Variants in PPP1R9A observed in about 807,000 individuals in gnomAD.
PPP1R9A encodes the protein neurabin-1.
PPP1R9A carries 59 observed loss-of-function variants against 141.9 expected under a neutral mutation model. That is an observed-to-expected ratio of 0.42 (90% CI 0.34 to 0.52). The LOEUF is 0.52. PPP1R9A is among the 20% of genes least tolerant of loss of function. The pLI is 0.10. For synonymous variants in PPP1R9A, 500 were observed against 569.7 expected, an observed-to-expected ratio of 0.88 and a Z score of 1.74; for missense variants, 1,444 against 1,611.9, an observed-to-expected ratio of 0.90 and a Z score of 1.78.
chr7:95,172,632 A>G (rs1177512455), intron 5 of PPP1R9A, among the ~76,000 whole-genome samples: 3 of 151,900 alleles, frequency 2.0e-5, no homozygotes, highest in Non-Finnish European at 4.4e-5. Flanking sequence ...GAACACAAAG[A>G]CAATTTAAAT....
At chr7:94,963,916 G>A (rs1224664709) in intron 2 of PPP1R9A, among the ~76,000 whole-genome samples, 1 of 152,158 alleles carries the variant, frequency 6.6e-6, no homozygotes, top group Non-Finnish European at 1.5e-5. Flanking sequence ...ACCTGCACAT[G>A]TGCCATTTTA....
intron 7 of PPP1R9A, among the ~76,000 whole-genome samples, chr7:95,220,974 G>A (rs1229187643): frequency 2.0e-5 from 3 of 151,980 alleles, no homozygotes; most frequent in African/African-American, 4.8e-5. Context: ...TATAAGTAGA[G>A]GAACAGGTAT....
chr7:95,110,841 T>C (rs183405580), intron 2 of PPP1R9A, among the ~76,000 whole-genome samples: 3 of 152,346 alleles, frequency 2.0e-5, no homozygotes. Flanking sequence ...ACTGACACCC[T>C]GCTACTTCAG....
intron 8 of PPP1R9A, among the ~76,000 whole-genome samples, chr7:95,229,877 A>G (rs1795677310): frequency 8.0e-6 from 1 of 125,440 alleles, no homozygotes; most frequent in African/African-American, 2.6e-5. Context: ...AGCACACTCA[A>G]TAAAAATACA....
Position 95,114,476 on chromosome 7 carries a change from G to A in PPP1R9A, c.1528+3085G>A, listed in dbSNP as rs533927175. Among the ~76,000 whole-genome samples, 96 of 152,042 alleles carry A rather than the reference G, an allele frequency of 6.3e-4. 1 individual carries two copies. The highest frequency in any genetic ancestry group is 2.1e-3 in the African/African-American group (87 of 41,528). The stretch of plus-strand genomic sequence containing the variant: ...GATATATAGTGGCTTTTGTGATGTC[G>A]GTAATATTCTGTGTCTTTGTACATG... On this transcript the variant is annotated intron_variant, in intron 3 of 19. Coordinates refer to ENST00000433360, the MANE Select transcript of PPP1R9A (RefSeq NM_001166160.2).
chr7:95,247,591 A>G lies in PPP1R9A; in HGVS notation c.2166+65A>G, dbSNP rs1235331617. The G allele has an allele frequency of 1.9e-5, 24 of 1,291,034 alleles. No individual in the cohort carries two copies. In the Admixed American group the frequency reaches 3.5e-4, roughly 19 times the overall value. 80.0% of individuals were successfully genotyped at this position (1,291,034 alleles called of 1,614,324 possible). A position where few individuals can be genotyped will look rare whatever the true frequency, so the allele number is the denominator to read the frequency against. ...ACTTCAGATACTATGAATAAATCCA[A>G]TCCTAGGACTAAAGGTTTTGTCCCT... On this transcript the variant is annotated intron_variant, in intron 9 of 19. Coordinates refer to ENST00000433360, the MANE Select transcript of PPP1R9A (RefSeq NM_001166160.2).
At chr7:95,196,908 T>C (rs543787371) in intron 5 of PPP1R9A, among the ~76,000 whole-genome samples, 1 of 152,158 alleles carries the variant, frequency 6.6e-6, no homozygotes, top group South Asian at 2.1e-4. Context: ...GTGTGTAAAT[T>C]GTACCTGAAT....
At chr7:94,915,846 A>T (rs989880692) in intron 2 of PPP1R9A, among the ~76,000 whole-genome samples, 1 of 152,162 alleles carries the variant, frequency 6.6e-6, no homozygotes, top group Non-Finnish European at 1.5e-5. Flanking sequence ...TGTTGAAGAG[A>T]TGTGACAAAT....
intron 2 of PPP1R9A, among the ~76,000 whole-genome samples, chr7:94,979,598 T>C (rs926925657): frequency 6.6e-6 from 1 of 152,238 alleles, no homozygotes; most frequent in Non-Finnish European, 1.5e-5. Flanking sequence ...TTACTTGTAA[T>C]CTGTTATTAT....
At chr7:95,064,860 T>C (rs867162218) in intron 2 of PPP1R9A, among the ~76,000 whole-genome samples, 1 of 152,206 alleles carries the variant, frequency 6.6e-6, no homozygotes, top group Non-Finnish European at 1.5e-5. Flanking sequence ...AAAATGACTT[T>C]ACTGTAACAT....
At chr7:95,274,577 C>T (rs1802815709) in intron 16 of PPP1R9A, among the ~76,000 whole-genome samples, 1 of 152,162 alleles carries the variant, frequency 6.6e-6, no homozygotes, top group Non-Finnish European at 1.5e-5. Flanking sequence ...TGTTGACATT[C>T]AAGATTGTCT....
chr7:94,972,363 T>C (rs1261864707), intron 2 of PPP1R9A, among the ~76,000 whole-genome samples: 1 of 152,162 alleles, frequency 6.6e-6, no homozygotes, highest in Non-Finnish European at 1.5e-5. Flanking sequence ...AGCAACAACC[T>C]TTCTTAGATG....
At chr7:95,166,052 G>A (rs1188663687) in intron 5 of PPP1R9A, among the ~76,000 whole-genome samples, 1 of 151,402 alleles carries the variant, frequency 6.6e-6, no homozygotes, top group African/African-American at 2.4e-5. Flanking sequence ...GGGAGGCTGA[G>A]GCAGGAGAAT....
At chr7:94,925,881 C>T (rs929701762) in intron 2 of PPP1R9A, among the ~76,000 whole-genome samples, 1 of 152,032 alleles carries the variant, frequency 6.6e-6, no homozygotes, top group Non-Finnish European at 1.5e-5. Context: ...GGCTGGAGTG[C>T]AGTGACATGA....
At chr7:95,263,484 G>A (rs1800747760) in intron 12 of PPP1R9A, among the ~76,000 whole-genome samples, 1 of 127,752 alleles carries the variant, frequency 7.8e-6, no homozygotes, top group Non-Finnish European at 1.8e-5. Context: ...ACCCATGCTG[G>A]AGTGCAGTGG....
intron 7 of PPP1R9A, among the ~76,000 whole-genome samples, chr7:95,220,200 G>C (rs1035753635): frequency 7.2e-5 from 11 of 152,046 alleles, no homozygotes; most frequent in Non-Finnish European, 1.3e-4. Context: ...TTGCCGAAAG[G>C]CCTCTGGATG....
rs200797207 is a variant in PPP1R9A, at chr7:95,180,264, T to TA, written c.1755-18081dup. On this transcript the variant is annotated intron_variant, in intron 5 of 19. Transcript: ENST00000433360. ...ATTTTCGACAAAGCAAACAAAACCA[T>TA]AAAATGGGGAATGGACACCCTTTTT... Among the ~76,000 whole-genome samples, 796 of 152,010 alleles carry TA rather than the reference T, an allele frequency of 5.2e-3. 3 individuals are homozygous for TA. The highest frequency in any genetic ancestry group is 0.025 in the Admixed American group (380 of 15,264).
At chr7:95,018,151 A>G in intron 2 of PPP1R9A, 1 of 205,512 alleles carries the variant, frequency 4.9e-6, no homozygotes, top group East Asian at 1.2e-4. Context: ...ATTATCCCCA[A>G]AACATGCTTA....
At chr7:95,061,726 C>A (rs889974235) in intron 2 of PPP1R9A, among the ~76,000 whole-genome samples, 4 of 152,020 alleles carry the variant, frequency 2.6e-5, no homozygotes, top group African/African-American at 9.7e-5. Context: ...CAGAATGAGA[C>A]CCTGTGTCGA....
Sources: gnomAD v4.1 joint callset for allele counts (sites outside exome capture counted in the v4.1 genomes callset) on GRCh38, gnomAD v4.1.1 for gene constraint, MANE v1.5 for transcripts, NCBI Gene and HGNC (gene_info 2026-07-23, HGNC 2026-07-21) for gene names.